Variants in SPRED2 observed in about 807,000 individuals in gnomAD.
SPRED2 encodes sprouty related EVH1 domain containing 2.
Under a neutral mutation model 43.0 loss-of-function variants are expected in SPRED2, and 47 were observed. The ratio of observed to expected loss-of-function variants is 1.09; its 90% CI spans 0.87 to 1.40. The LOEUF (loss-of-function observed/expected upper bound fraction) is 1.40, where lower values mean the gene tolerates loss of function less well. Among genes scored for constraint, SPRED2 ranks in the 40% most tolerant of loss-of-function variants. The pLI is 0.00. For missense variants in SPRED2, 561 were observed against 586.4 expected, an observed-to-expected ratio of 0.96 and a Z score of 0.45; for synonymous variants, 225 against 225.7, an observed-to-expected ratio of 1.00 and a Z score of 0.03.
chr2:65,314,060 T>C lies in SPRED2; in HGVS notation c.698A>G (p.His233Arg), dbSNP rs767222609. The C allele has an allele frequency of 6.2e-7, 1 of 1,614,108 alleles. No homozygotes were observed. Among genetic ancestry groups the C allele is most frequent in the Non-Finnish European group, 8.5e-7 (1 of 1,179,990 alleles). ...IWMTGYEDYRHAPVRGKYPDP... is the reference protein window; with the variant it reads ...IWMTGYEDYRRAPVRGKYPDP... The stretch of plus-strand genomic sequence containing the variant: ...CGGGTACTTGCCCCTGACGGGTGCG[T>C]GCCGGTAATCCTCGTACCCCGTCAT... The change falls in exon 6 of 6, where the codon CAC (histidine) becomes CGC (arginine). Residue 233 changes from histidine (H) to arginine (R), a missense_variant. Coordinates refer to ENST00000356388, the MANE Select transcript of SPRED2 (RefSeq NM_181784.3).
In SPRED2 at chr2:65,400,333, C is replaced by T. The variant is rs144856732; in HGVS notation, c.26+31629G>A. Among the ~76,000 whole-genome samples, 702 of 152,248 alleles carry T rather than the reference C, an allele frequency of 4.6e-3. 6 individuals are homozygous for T. The highest frequency in any genetic ancestry group is 0.016 in the African/African-American group (653 of 41,546). On this transcript the variant is annotated intron_variant, in intron 1 of 5. Coordinates refer to ENST00000356388, the MANE Select transcript of SPRED2 (RefSeq NM_181784.3). ...TTATTCCTATATTAAATATTGCCTC[C>T]CTGTTTACTTTTGCTTAGTTTTCTA...
chr2:65,414,844 T>C (rs7566618), intron 1 of SPRED2, among the ~76,000 whole-genome samples: 15,807 of 152,176 alleles, frequency 0.1, 877 homozygotes, highest in East Asian at 0.16. Flanking sequence ...CAGGAATTGA[T>C]TGGGAGCTAG....
chr2:65,415,188 G>C (rs1438516781), intron 1 of SPRED2, among the ~76,000 whole-genome samples: 4 of 152,206 alleles, frequency 2.6e-5, no homozygotes, highest in East Asian at 1.9e-4. Context: ...TCACGCTGTT[G>C]TGTAAGACTC....
rs745528785 is a variant in SPRED2, at chr2:65,410,676, G to A, written c.26+21286C>T. Among the ~76,000 whole-genome samples, 74 of 151,554 alleles carry A rather than the reference G, an allele frequency of 4.9e-4. 1 individual carries two copies. The highest frequency in any genetic ancestry group is 8.1e-4 in the Non-Finnish European group (55 of 67,940). On this transcript the variant is annotated intron_variant, in intron 1 of 5. Coordinates refer to ENST00000356388, the MANE Select transcript of SPRED2 (RefSeq NM_181784.3). ...CGGGAGGCTGAGGCAGGAGAATGGC[G>A]TGAACCCGCGAGGCGGAGCTTGCAG...
At chr2:65,360,316 TCA>T (rs1404408448) in intron 1 of SPRED2, among the ~76,000 whole-genome samples, 2 of 152,316 alleles carry the variant, frequency 1.3e-5, no homozygotes, top group East Asian at 3.9e-4. Context: ...TCCAGGAAAG[TCA>T]CAGTCACTGA....
chr2:65,418,564 CT>C (rs1422837478), intron 1 of SPRED2, among the ~76,000 whole-genome samples: 1 of 150,436 alleles, frequency 6.6e-6, no homozygotes, highest in Admixed American at 6.6e-5. Context: ...TTTCTTTTTT[CT>C]TTTTTTTTGA....
chr2:65,375,921 T>A (rs1675226864), intron 1 of SPRED2, among the ~76,000 whole-genome samples: 1 of 152,126 alleles, frequency 6.6e-6, no homozygotes, highest in African/African-American at 2.4e-5. Flanking sequence ...ATTTGAACAT[T>A]CCAAAGCTAC....
intron 1 of SPRED2, among the ~76,000 whole-genome samples, chr2:65,348,248 T>G (rs1674408581): frequency 1.3e-5 from 2 of 152,224 alleles, no homozygotes; most frequent in Admixed American, 6.5e-5. Context: ...AGGACTTCCC[T>G]GCCCACTCTA....
chr2:65,313,316 G>C lies in SPRED2; in HGVS notation c.*185C>G. 6 of 1,441,728 alleles carry C rather than the reference G, an allele frequency of 4.2e-6. No homozygotes were observed. The highest frequency in any genetic ancestry group is 5.4e-6 in the Non-Finnish European group (6 of 1,104,898). 89.3% of individuals were successfully genotyped at this position (1,441,728 alleles called of 1,614,324 possible). A position where few individuals can be genotyped will look rare whatever the true frequency, so the allele number is the denominator to read the frequency against. ...TGTGGCTGCTGCAGTGTGGGCGGCA[G>C]GGGGAGTGGAGAGTCTACCCGGCAG... On this transcript the variant is annotated 3_prime_UTR_variant, in exon 6 of 6. Coordinates refer to ENST00000356388, the MANE Select transcript of SPRED2 (RefSeq NM_181784.3).
At chr2:65,382,576 C>T (rs1426270539) in intron 1 of SPRED2, among the ~76,000 whole-genome samples, 1 of 152,132 alleles carries the variant, frequency 6.6e-6, no homozygotes, top group African/African-American at 2.4e-5. Flanking sequence ...GGAAACTGAG[C>T]CACATACACA....
intron 1 of SPRED2, among the ~76,000 whole-genome samples, chr2:65,387,937 T>A (rs1397841517): frequency 6.6e-6 from 1 of 152,044 alleles, no homozygotes; most frequent in African/African-American, 2.4e-5. Flanking sequence ...GGATTACACA[T>A]GTGCACCACC....
At chr2:65,421,160 A>T (rs934648388) in intron 1 of SPRED2, among the ~76,000 whole-genome samples, 22 of 152,154 alleles carry the variant, frequency 1.4e-4, no homozygotes, top group African/African-American at 5.3e-4. Flanking sequence ...AGCCATAAAA[A>T]AAGAAAAAAT....
intron 1 of SPRED2, among the ~76,000 whole-genome samples, chr2:65,356,098 T>G (rs949235150): frequency 3.3e-5 from 5 of 152,234 alleles, no homozygotes; most frequent in Non-Finnish European, 7.3e-5. Flanking sequence ...CTTGAACTCC[T>G]ATGCCTGACT....
intron 4 of SPRED2, among the ~76,000 whole-genome samples, chr2:65,318,569 T>C (rs1416933934): frequency 2.0e-5 from 3 of 152,092 alleles, no homozygotes; most frequent in Non-Finnish European, 4.4e-5. Context: ...TTCTGATCTC[T>C]AGATGCTCTC....
chr2:65,374,029 G>A (rs1053142860), intron 1 of SPRED2: 2 of 152,216 alleles, frequency 1.3e-5, no homozygotes, highest in East Asian at 3.8e-4. Flanking sequence ...TCCACAGTAT[G>A]TGAGGCACGT....
chr2:65,322,274 A>C (rs984890394), intron 4 of SPRED2, among the ~76,000 whole-genome samples: 1,828 of 50,042 alleles, frequency 0.037, 25 homozygotes, highest in East Asian at 0.052. Context: ...CTCTCTCTAT[A>C]TATATATATA....
rs1215122145 is a variant in SPRED2, at chr2:65,432,242, G to A, written c.-255C>T. The A allele has an allele frequency of 1.9e-6, 1 of 538,122 alleles. No individual in the cohort carries two copies. The highest frequency in any genetic ancestry group is 3.3e-6 in the Non-Finnish European group (1 of 298,842). The allele number at this position is 538,122 out of a possible 1,614,324, so 33.3% of individuals were successfully genotyped here. ...GGGAGAGGCGGGCGGAGGCTCCGGG[G>A]GCTCGGGAGCGGGCAGAGGGGGCGA... On this transcript the variant is annotated 5_prime_UTR_variant, in exon 1 of 6. Coordinates refer to ENST00000356388, the MANE Select transcript of SPRED2 (RefSeq NM_181784.3).
At chr2:65,385,502 C>A (rs1400754662) in intron 1 of SPRED2, among the ~76,000 whole-genome samples, 1 of 152,126 alleles carries the variant, frequency 6.6e-6, no homozygotes, top group Non-Finnish European at 1.5e-5. Context: ...TCACAGGTAA[C>A]CATGCCAGTG....
At chr2:65,316,272 G>T (rs894749396) in intron 5 of SPRED2, among the ~76,000 whole-genome samples, 1 of 152,206 alleles carries the variant, frequency 6.6e-6, no homozygotes, top group Non-Finnish European at 1.5e-5. Context: ...TAAGGCTGGG[G>T]GCTCGAGCCA....
Sources: allele counts gnomAD v4.1 joint callset (sites outside exome capture counted in the v4.1 genomes callset), GRCh38; gene constraint gnomAD v4.1.1; transcripts MANE v1.5; gene names NCBI Gene and HGNC (gene_info 2026-07-23, HGNC 2026-07-21).